Variants in MAST4 observed in about 807,000 individuals in gnomAD.
MAST4 encodes the protein microtubule-associated serine/threonine-protein kinase 4.
A neutral mutation model predicts 162.7 loss-of-function variants in MAST4; 89 were observed. That is an observed-to-expected ratio of 0.55 (90% CI 0.46 to 0.65). MAST4 has a LOEUF of 0.65. Ranked by LOEUF, MAST4 falls within the 30% of genes least tolerant of loss-of-function variation. The pLI, the probability that MAST4 is intolerant of heterozygous loss-of-function variation, is 0.00. For missense variants in MAST4, 3,153 were observed against 3,374.0 expected (o/e 0.93, Z 1.62); for synonymous variants, 1,479 against 1,361.1 (o/e 1.09, Z -1.91).
intron 1 of MAST4, among the ~76,000 whole-genome samples, chr5:66,661,455 C>T (rs1359638304): frequency 6.6e-6 from 1 of 152,192 alleles, no homozygotes; most frequent in Non-Finnish European, 1.5e-5. Context: ...TGTGGCTACT[C>T]ATAGTTACAA....
chr5:66,721,795 C>G (rs986751228), intron 1 of MAST4, among the ~76,000 whole-genome samples: 1 of 151,626 alleles, frequency 6.6e-6, no homozygotes. Flanking sequence ...CCCACCAGTC[C>G]TGTTCTGCTG....
chr5:66,749,443 T>C (rs114907285), intron 1 of MAST4, among the ~76,000 whole-genome samples: 2,655 of 152,282 alleles, frequency 0.017, 44 homozygotes, highest in South Asian at 0.05. Flanking sequence ...CCTGAAATAA[T>C]GTAAAATCAG....
chr5:67,078,876 A>T (rs1173670454), intron 5 of MAST4, among the ~76,000 whole-genome samples: 8 of 110,576 alleles, frequency 7.2e-5, no homozygotes, highest in East Asian at 4.5e-4. Flanking sequence ...ATATATTTAT[A>T]TAAATATATT....
intron 26 of MAST4, among the ~76,000 whole-genome samples, chr5:67,154,973 C>T (rs1356256872): frequency 6.6e-6 from 1 of 152,160 alleles, no homozygotes; most frequent in Non-Finnish European, 1.5e-5. Context: ...TATTATGGTA[C>T]TCTCGAATGC....
At chr5:66,973,744 G>T (rs113021809) in intron 4 of MAST4, among the ~76,000 whole-genome samples, 391 of 152,172 alleles carry the variant, frequency 2.6e-3, no homozygotes, top group Non-Finnish European at 4.5e-3. Context: ...CTATTAATTG[G>T]TGTTCTTCAG....
At chr5:66,956,498 A>G (rs80334012) in intron 4 of MAST4, among the ~76,000 whole-genome samples, 18,482 of 152,080 alleles carry the variant, frequency 0.12, 1,615 homozygotes, top group African/African-American at 0.24. Context: ...CACCAATTGG[A>G]ATGCATCTAT....
intron 3 of MAST4, chr5:66,828,980 G>A: frequency 1.0e-6 from 1 of 982,394 alleles, no homozygotes; most frequent in Non-Finnish European, 1.6e-6. Flanking sequence ...GCACGAATAT[G>A]TGCATAATTC....
At chr5:66,781,704 A>G (rs1054357555) in intron 2 of MAST4, among the ~76,000 whole-genome samples, 2 of 152,192 alleles carry the variant, frequency 1.3e-5, no homozygotes, top group Admixed American at 1.3e-4. Flanking sequence ...GCTTTGTTGT[A>G]TAGTTACTAG....
At chr5:66,759,672 G>A (rs1292949789) in intron 1 of MAST4, 37 bp from the exon 2 acceptor site, 3 of 1,610,692 alleles carry the variant, frequency 1.9e-6, no homozygotes, top group Non-Finnish European at 1.7e-6. Flanking sequence ...CTGTGTTGAT[G>A]CCCTAGCCAG....
chr5:67,125,131 ACT>A (rs1314196418), intron 14 of MAST4, among the ~76,000 whole-genome samples: 1 of 151,998 alleles, frequency 6.6e-6, no homozygotes. Flanking sequence ...ATGCCAATTT[ACT>A]CTCTATAATA....
chr5:66,671,409 G>A (rs1452993081), intron 1 of MAST4, among the ~76,000 whole-genome samples: 1 of 152,164 alleles, frequency 6.6e-6, no homozygotes, highest in East Asian at 1.9e-4. Flanking sequence ...AGCTAAGTCT[G>A]TCCCTTGGCA....
Position 66,596,941 on chromosome 5 carries a change from C to G in MAST4, c.286C>G (p.Pro96Ala), listed in dbSNP as rs1355117733. Residue 96 changes from proline to alanine, a missense_variant, in exon 1 of 29, where the codon CCG becomes GCG. Transcript: ENST00000403625. The part of the protein sequence containing the change: ...VLLERGVLAL[P>A]PPLPGGAVPP... ...GCTGGAGCGCGGAGTCCTTGCGCTG[C>G]CGCCGCCGCTTCCCGGAGGAGCTGT... The G allele has an allele frequency of 7.2e-7, 1 of 1,387,732 alleles. No homozygotes were observed. The highest frequency in any genetic ancestry group is 3.2e-5 in the Admixed American group (1 of 31,730). The allele number at this position is 1,387,732 out of a possible 1,614,324, so 86.0% of individuals were successfully genotyped here.
Position 67,050,063 on chromosome 5 carries a change from C to G in MAST4, c.675-4341C>G, listed in dbSNP as rs185827294. On this transcript the variant is annotated intron_variant, in intron 4 of 28. Coordinates refer to ENST00000403625, the MANE Select transcript of MAST4 (RefSeq NM_001164664.2). ...GGGTACTTGGAACCAAAAATACATACACCTCCTTTCCCACCTGCCTCCAGC... is the reference window on the plus strand; with the variant it reads ...GGGTACTTGGAACCAAAAATACATAGACCTCCTTTCCCACCTGCCTCCAGC... 3.8e-3 allele frequency among the ~76,000 whole-genome samples: 581 copies of G among 152,274 alleles called. 2 individuals are homozygous for G. The highest frequency in any genetic ancestry group is 6.8e-3 in the Middle Eastern group (2 of 294).
chr5:66,845,255 C>A (rs1758763307), intron 3 of MAST4, among the ~76,000 whole-genome samples: 1 of 151,560 alleles, frequency 6.6e-6, no homozygotes, highest in South Asian at 2.1e-4. Context: ...TCTCCTAATG[C>A]TATCCCTCAC....
intron 1 of MAST4, among the ~76,000 whole-genome samples, chr5:66,630,420 A>G (rs546008714): frequency 1.3e-5 from 2 of 152,206 alleles, no homozygotes; most frequent in South Asian, 4.1e-4. Context: ...GGATTTTGTG[A>G]TTTGCGGGGA....
chr5:67,023,852 C>A (rs1352679429), intron 4 of MAST4, among the ~76,000 whole-genome samples: 1 of 151,908 alleles, frequency 6.6e-6, no homozygotes, highest in Non-Finnish European at 1.5e-5. Flanking sequence ...TGTCCAATTA[C>A]TGCTCCATCT....
At chr5:66,867,051 A>G (rs1028588065) in intron 3 of MAST4, among the ~76,000 whole-genome samples, 1 of 152,178 alleles carries the variant, frequency 6.6e-6, no homozygotes, top group African/African-American at 2.4e-5. Flanking sequence ...GTGAGCCACT[A>G]TGCCCAGCTA....
At position 67,165,811 on chromosome 5, in the gene MAST4, C is replaced by G. The variant is rs56100695; in HGVS notation, c.6632C>G (p.Ser2211Cys). ...CCAAAGACTAAGCACCCCGACCGGT[C>G]CCTCTCCTCTCAGAAACCAAGTGTC... ...GPPKTKHPDR[S>C]LSSQKPSVGA... Residue 2211 changes from serine (S) to cysteine (C), a missense_variant, in exon 29 of 29, where the codon TCC becomes TGC. Coordinates refer to ENST00000403625, the MANE Select transcript of MAST4 (RefSeq NM_001164664.2). The G allele has an allele frequency of 2.4e-5, 38 of 1,612,480 alleles. No individual in the cohort carries two copies. The East Asian group carries it at 7.1e-4, about 30-fold the overall frequency.
chr5:66,899,279 G>A (rs1762864540), intron 3 of MAST4, among the ~76,000 whole-genome samples: 1 of 152,006 alleles, frequency 6.6e-6, no homozygotes, highest in Non-Finnish European at 1.5e-5. Flanking sequence ...TGATTAGGTA[G>A]GTAAGAATCT....
Sources: gnomAD v4.1 joint callset for allele counts (sites outside exome capture counted in the v4.1 genomes callset) on GRCh38, gnomAD v4.1.1 for gene constraint, MANE v1.5 for transcripts, NCBI Gene and HGNC (gene_info 2026-07-23, HGNC 2026-07-21) for gene names.